Variants in GAD2 observed in about 807,000 individuals in gnomAD.
The protein encoded by GAD2 is glutamate decarboxylase 2.
Under a neutral mutation model 80.1 loss-of-function variants are expected in GAD2, and 22 were observed. The ratio of observed to expected loss-of-function variants is 0.27; its 90% CI spans 0.20 to 0.39. GAD2 has a LOEUF of 0.39. GAD2 is among the 10% of genes least tolerant of loss of function. The probability of loss-of-function intolerance (pLI) is 1.00; values close to 1 mark genes in which losing one functional copy is unlikely to be tolerated. For missense variants in GAD2, 624 were observed against 738.4 expected (o/e 0.85, Z 1.80); for synonymous variants, 274 against 256.9 (o/e 1.07, Z -0.64).
intron 7 of GAD2, among the ~76,000 whole-genome samples, chr10:26,233,153 G>A (rs1010480388): frequency 6.6e-6 from 1 of 152,198 alleles, no homozygotes; most frequent in Admixed American, 6.5e-5. Context: ...GCTGAAATTA[G>A]CTAGGTAGGT....
intron 9 of GAD2, 120 bp from the exon 10 acceptor site, chr10:26,270,520 T>C (rs763044432): frequency 3.9e-6 from 3 of 762,694 alleles, no homozygotes; most frequent in Non-Finnish European, 4.7e-6. Flanking sequence ...GTAACTCTGC[T>C]GCTGCTTCCT....
chr10:26,243,547 AG>A (rs1486255214), intron 7 of GAD2, among the ~76,000 whole-genome samples: 40 of 152,322 alleles, frequency 2.6e-4, no homozygotes, highest in African/African-American at 9.6e-4. Flanking sequence ...AGCCTTTCTC[AG>A]CTCTCCAAAT....
chr10:26,277,363 C>T (rs913963), intron 11 of GAD2, among the ~76,000 whole-genome samples: 36,443 of 152,100 alleles, frequency 0.24, 4,969 homozygotes, highest in African/African-American at 0.37. Context: ...GGGGTTCTTT[C>T]CACGAAACAT....
At chr10:26,275,330 C>T (rs1025850063) in intron 11 of GAD2, among the ~76,000 whole-genome samples, 6 of 152,190 alleles carry the variant, frequency 3.9e-5, no homozygotes, top group Non-Finnish European at 8.8e-5. Context: ...AAAGTCCTGG[C>T]ACATCCTCCA....
chr10:26,257,979 C>T (rs1844963624), intron 8 of GAD2, among the ~76,000 whole-genome samples: 2 of 152,154 alleles, frequency 1.3e-5, no homozygotes, highest in South Asian at 4.1e-4. Context: ...GGGAAGCCCT[C>T]TGAGTGGCAT....
At chr10:26,271,820 C>T (rs757968265) in intron 10 of GAD2, among the ~76,000 whole-genome samples, 4 of 151,948 alleles carry the variant, frequency 2.6e-5, no homozygotes, top group Admixed American at 2.0e-4. Context: ...AGTGCAGTGG[C>T]GTGATCTTAG....
chr10:26,235,104 C>T (rs991397186), intron 7 of GAD2, among the ~76,000 whole-genome samples: 1 of 152,216 alleles, frequency 6.6e-6, no homozygotes, highest in Non-Finnish European at 1.5e-5. Context: ...GAACTCCTGA[C>T]CTCAGGTGAT....
rs752533326 is a variant in GAD2 at position 26,281,084 on chromosome 10, A to G, written c.1233A>G (p.Glu411=). The change falls in exon 12 of 16, where the codon GAA becomes GAG. Residue 411 remains glutamate (E), a synonymous_variant. Coordinates refer to ENST00000376261, the MANE Select transcript of GAD2 (RefSeq NM_001134366.2). ...PLQCSALLVR[E]EGLMQNCNQM... is the part of the protein sequence containing the mutation. ...AGTGCTCTGCTCTCCTGGTTAGAGA[A>G]GAGGTATGTCTCTCTTGACTCTGTG... The G allele has an allele frequency of 6.2e-7, 1 of 1,608,766 alleles. No individual in the cohort carries two copies. The highest frequency in any genetic ancestry group is 2.2e-5 in the East Asian group (1 of 44,810).
chr10:26,280,547 G>A (rs1167175749), intron 11 of GAD2, among the ~76,000 whole-genome samples: 1 of 152,118 alleles, frequency 6.6e-6, no homozygotes, highest in African/African-American at 2.4e-5. Context: ...AATCAGTTAT[G>A]CATTTATCTC....
At position 26,218,918 on chromosome 10, in the gene GAD2, C is replaced by A. The variant is rs7071922; in HGVS notation, c.287-125C>A. On this transcript the variant is annotated intron_variant, in intron 3 of 15. Transcript: ENST00000376261. ...TCCCTTTTAAAGAAAAATGTTCTGC[C>A]TTTCCAAAAGCTTTATCTAACATGA... The A allele has an allele frequency of 3.9e-5, 25 of 641,766 alleles. No homozygotes were observed. In the South Asian group the frequency reaches 3.9e-4, roughly 10 times the overall value. The allele number at this position is 641,766 out of a possible 1,614,324, so 39.8% of individuals were successfully genotyped here.
intron 10 of GAD2, 111 bp from the exon 11 acceptor site, chr10:26,273,525 A>G (rs1845162637): frequency 2.4e-6 from 2 of 850,790 alleles, no homozygotes; most frequent in East Asian, 2.6e-5. Flanking sequence ...GAGGTGGTCA[A>G]CTTCCTAAGT....
chr10:26,227,389 T>A (rs1844540825), intron 6 of GAD2, among the ~76,000 whole-genome samples: 1 of 152,210 alleles, frequency 6.6e-6, no homozygotes, highest in African/African-American at 2.4e-5. Context: ...CCTCTTTCTC[T>A]CACTCAGAGC....
At position 26,216,794 on chromosome 10, in the gene GAD2, C is replaced by T; in HGVS notation, c.-16C>T. On this transcript the variant is annotated 5_prime_UTR_variant, in exon 1 of 16. Transcript: ENST00000376261. This position sits in a 1 kb window ranked among gnomAD's most constrained non-coding sequence, Gnocchi z 4.7. ...AGCTCGCACTCGCAGGCGACCTGCT[C>T]CAGTCTCCAAAGCCGATGGCATCTC... The T allele has an allele frequency of 6.2e-7, 1 of 1,607,660 alleles. No homozygotes were observed. Among genetic ancestry groups the T allele is most frequent in the Non-Finnish European group, 8.5e-7 (1 of 1,177,282 alleles).
At chr10:26,237,985 G>A (rs1402746357) in intron 7 of GAD2, among the ~76,000 whole-genome samples, 2 of 149,522 alleles carry the variant, frequency 1.3e-5, no homozygotes, top group Non-Finnish European at 3.0e-5. Flanking sequence ...TCAGGTGACA[G>A]GGCGAGACTC....
chr10:26,251,056 C>CTTTTTTTTTTTT (rs60993936), intron 8 of GAD2, among the ~76,000 whole-genome samples: 7 of 119,852 alleles, frequency 5.8e-5, no homozygotes, highest in Non-Finnish European at 8.7e-5. Context: ...TTTTTTTTTG[C>CTTTTTTTTTTTT]TTTTTTTTTT....
Position 26,229,644 on chromosome 10 carries a change from T to C in GAD2, c.725-18T>C. On this transcript the variant is annotated intron_variant, in intron 6 of 15. Transcript: ENST00000376261. Reference sequence around the variant, plus strand: ...GTTGATAATAAATAAAGTAACTGCGTGTTGCTGTGCACTTTAGGTGGCGCC... The same window carrying C: ...GTTGATAATAAATAAAGTAACTGCGCGTTGCTGTGCACTTTAGGTGGCGCC... The C allele has an allele frequency of 6.5e-7, 1 of 1,544,662 alleles. No individual in the cohort carries two copies. Among genetic ancestry groups the C allele is most frequent in the Middle Eastern group, 1.7e-4 (1 of 5,930 alleles).
intron 8 of GAD2, among the ~76,000 whole-genome samples, chr10:26,255,662 G>GAAGGAAGC (rs1378648728): frequency 1.4e-5 from 2 of 141,466 alleles, no homozygotes; most frequent in African/African-American, 5.3e-5. Flanking sequence ...GGGGGAAGGG[G>GAAGGAAGC]AAGGAAAGAA....
chr10:26,272,950 A>G (rs6482548), intron 10 of GAD2, among the ~76,000 whole-genome samples: 64,846 of 152,186 alleles, frequency 0.43, 17,723 homozygotes, highest in African/African-American at 0.79. Flanking sequence ...TTTATAATCC[A>G]TTTAAAATTA....
At chr10:26,252,389 C>A (rs1432015601) in intron 8 of GAD2, among the ~76,000 whole-genome samples, 2 of 151,858 alleles carry the variant, frequency 1.3e-5, no homozygotes, top group African/African-American at 4.9e-5. Flanking sequence ...GTCACCCAGG[C>A]TGGAATGCAG....
Sources: gnomAD v4.1 joint callset for allele counts (sites outside exome capture counted in the v4.1 genomes callset) on GRCh38, gnomAD v4.1.1 for gene constraint, Gnocchi (gnomAD v3.1) non-coding constraint, MANE v1.5 for transcripts, NCBI Gene and HGNC (gene_info 2026-07-23, HGNC 2026-07-21) for gene names.